HHAT: variants seen among roughly 807,000 people sequenced by gnomAD.
The protein encoded by HHAT is hedgehog acyltransferase.
Under a neutral mutation model 70.8 loss-of-function variants are expected in HHAT, and 47 were observed. The observed-to-expected ratio is 0.66, with a 90% CI of 0.53 to 0.85. The LOEUF is 0.85. Ranked by LOEUF, HHAT falls within the 40% of genes least tolerant of loss-of-function variation. The pLI is 0.00. For missense variants in HHAT, 609 were observed against 604.8 expected (o/e 1.01, Z -0.07); for synonymous variants, 228 against 247.6 (o/e 0.92, Z 0.74).
chr1:210,535,177 T>C (rs539080597), intron 9 of HHAT, among the ~76,000 whole-genome samples: 19 of 152,338 alleles, frequency 1.2e-4, no homozygotes, highest in Non-Finnish European at 2.2e-4. Context: ...CATGGAGCTC[T>C]GGGTTATAGG....
At chr1:210,627,902 T>C (rs1182622166) in intron 11 of HHAT, among the ~76,000 whole-genome samples, 1 of 152,222 alleles carries the variant, frequency 6.6e-6, no homozygotes, top group Non-Finnish European at 1.5e-5. Flanking sequence ...GGAGGAATTC[T>C]GCTGTGTCAT....
In HHAT at chr1:210,610,569, T is replaced by A. The variant is rs185110852; in HGVS notation, c.1246-12957T>A. ...CTTTCGTTGCAATTGCTTTTGGGGA[T>A]TTTGTCATGAAATCTTTGCCTGTGC... On this transcript the variant is annotated intron_variant, in intron 10 of 11. Transcript: ENST00000261458. Among the ~76,000 whole-genome samples, 291 of 152,312 alleles carry A rather than the reference T, an allele frequency of 1.9e-3. 1 individual carries two copies. Among genetic ancestry groups the A allele is most frequent in the South Asian group, 7.7e-3 (37 of 4,826 alleles).
At chr1:210,396,150 T>C (rs1187440371) in intron 4 of HHAT, among the ~76,000 whole-genome samples, 1 of 148,532 alleles carries the variant, frequency 6.7e-6, no homozygotes, top group Non-Finnish European at 1.5e-5. Context: ...GCTGTAAAAA[T>C]AGAGTATACT....
At chr1:210,490,092 T>G (rs1163694677) in intron 8 of HHAT, among the ~76,000 whole-genome samples, 1 of 152,222 alleles carries the variant, frequency 6.6e-6, no homozygotes, top group East Asian at 1.9e-4. Flanking sequence ...TGTTTTTAGA[T>G]CTGTTAACCA....
chr1:210,418,727 T>G (rs1344818949), intron 7 of HHAT, among the ~76,000 whole-genome samples: 1 of 152,088 alleles, frequency 6.6e-6, no homozygotes, highest in African/African-American at 2.4e-5. Context: ...TTGTTCTTTG[T>G]GCATAAGGTA....
chr1:210,529,292 G>A (rs775787221), intron 9 of HHAT, among the ~76,000 whole-genome samples: 2 of 144,864 alleles, frequency 1.4e-5, no homozygotes, highest in Non-Finnish European at 3.0e-5. Flanking sequence ...GCAACAGAAC[G>A]AGACTTCATC....
intron 9 of HHAT, among the ~76,000 whole-genome samples, chr1:210,520,014 CTTTGTTTT>C (rs1478144495): frequency 1.3e-5 from 1 of 77,848 alleles, no homozygotes; most frequent in African/African-American, 3.9e-5. Context: ...TTTTAAAACC[CTTTGTTTT>C]TTTGTTTTTT....
chr1:210,371,751 CAG>C (rs1264797139), intron 3 of HHAT, among the ~76,000 whole-genome samples: 1 of 152,098 alleles, frequency 6.6e-6, no homozygotes, highest in Non-Finnish European at 1.5e-5. Flanking sequence ...GTAAACTCAC[CAG>C]AGTTTACACA....
At chr1:210,554,460 T>C (rs1573278031) in intron 9 of HHAT, among the ~76,000 whole-genome samples, 1 of 152,084 alleles carries the variant, frequency 6.6e-6, no homozygotes, top group South Asian at 2.1e-4. Flanking sequence ...GCCTTGAAGG[T>C]TGAGATTTGG....
intron 7 of HHAT, among the ~76,000 whole-genome samples, chr1:210,458,043 G>A (rs1263203749): frequency 6.6e-6 from 1 of 152,148 alleles, no homozygotes; most frequent in Non-Finnish European, 1.5e-5. Flanking sequence ...AATCATATAA[G>A]TAAAACATTT....
intron 1 of HHAT, among the ~76,000 whole-genome samples, chr1:210,348,486 T>A (rs948448818): frequency 6.6e-6 from 1 of 152,274 alleles, no homozygotes; most frequent in East Asian, 1.9e-4. Context: ...TTCAGACTTT[T>A]TGAAGCCATT....
At chr1:210,630,852 C>A in intron 11 of HHAT, 2 of 355,438 alleles carry the variant, frequency 5.6e-6, no homozygotes, top group Non-Finnish European at 1.1e-5. Flanking sequence ...TGAGCCCTCT[C>A]GTCTTCCTAG....
rs143863952 is a variant in HHAT at position 210,435,930 on chromosome 1, A to C, written c.856+17605A>C. The stretch of plus-strand genomic sequence containing the variant: ...TGTGGGATGTCTCTTCACTTTGTTG[A>C]TTGTTTCTTTTGCTGTGCAGAAACT... On this transcript the variant is annotated intron_variant, in intron 7 of 11. Transcript: ENST00000261458. Among the ~76,000 whole-genome samples the C allele has an allele frequency of 5.9e-5, 9 of 151,778 alleles. 1 individual carries two copies. Among genetic ancestry groups the C allele is most frequent in the Non-Finnish European group, 1.0e-4 (7 of 67,996 alleles).
At chr1:210,412,017 A>G (rs1249997418) in intron 6 of HHAT, among the ~76,000 whole-genome samples, 1 of 152,180 alleles carries the variant, frequency 6.6e-6, no homozygotes, top group African/African-American at 2.4e-5. Context: ...ACACTGCCAG[A>G]TTTGATGTCT....
intron 7 of HHAT, among the ~76,000 whole-genome samples, chr1:210,456,785 T>TC (rs1214878027): frequency 6.6e-6 from 1 of 152,208 alleles, no homozygotes; most frequent in Non-Finnish European, 1.5e-5. Context: ...GTTGCTGTAG[T>TC]CATTCATTTC....
intron 7 of HHAT, among the ~76,000 whole-genome samples, chr1:210,424,659 G>C (rs758518752): frequency 4.0e-5 from 6 of 151,858 alleles, no homozygotes; most frequent in Non-Finnish European, 5.9e-5. Context: ...CTCCAACCAT[G>C]TCCCTGCAAA....
Position 210,513,045 on chromosome 1 carries a change from C to G in HHAT, c.1008-108C>G, listed in dbSNP as rs573774888. The G allele has an allele frequency of 6.8e-4, 466 of 686,600 alleles. 1 individual carries two copies. In the African/African-American group the frequency reaches 8.1e-3, roughly 12 times the overall value. The allele number at this position is 686,600 out of a possible 1,614,324, so 42.5% of individuals were successfully genotyped here. ...CATCTTGAGAACTACTGTGGTAGAG[C>G]AATCCATTTAGTCATACTATGAATT... is the stretch of plus-strand genomic sequence containing the variant. On this transcript the variant is annotated intron_variant, in intron 8 of 11. Coordinates refer to ENST00000261458, the MANE Select transcript of HHAT (RefSeq NM_018194.6).
chr1:210,470,860 C>T (rs959286455), intron 8 of HHAT, among the ~76,000 whole-genome samples: 2 of 152,194 alleles, frequency 1.3e-5, no homozygotes, highest in Non-Finnish European at 2.9e-5. Flanking sequence ...TCTGTGCCTT[C>T]GTTTCCTTCT....
chr1:210,418,152 A>C lies in HHAT; in HGVS notation c.685-2A>C. The C allele has an allele frequency of 6.2e-7, 1 of 1,614,056 alleles. No homozygotes were observed. The highest frequency in any genetic ancestry group is 1.3e-5 in the African/African-American group (1 of 75,002). On this transcript the variant is annotated splice_acceptor_variant, in intron 6 of 11. Transcript: ENST00000261458. LOFTEE classifies it high-confidence loss of function. Reference sequence around the variant, plus strand: ...GAATGACCTCTTTTGTTTCCACTTTAGATGCAGCAGCAGGAGCATGACTCC... The same window carrying C: ...GAATGACCTCTTTTGTTTCCACTTTCGATGCAGCAGCAGGAGCATGACTCC...
Sources: allele counts gnomAD v4.1 joint callset (sites outside exome capture counted in the v4.1 genomes callset), GRCh38; gene constraint gnomAD v4.1.1; transcripts MANE v1.5; gene names NCBI Gene and HGNC (gene_info 2026-07-23, HGNC 2026-07-21).